The following U2SURP variants were observed in gnomAD, a reference collection of about 807,000 sequenced individuals.
The protein encoded by U2SURP is U2 snRNP associated SURP domain containing, also known as U2 snRNP-associated SURP motif-containing protein.
A neutral mutation model predicts 144.9 loss-of-function variants in U2SURP; 9 were observed. That is an observed-to-expected ratio of 0.06 (90% CI 0.04 to 0.11). The LOEUF is 0.11. U2SURP is among the 10% of genes least tolerant of loss of function. The probability of loss-of-function intolerance (pLI) is 1.00; values close to 1 mark genes in which losing one functional copy is unlikely to be tolerated. For missense variants in U2SURP, 724 were observed against 1,226.7 expected, an observed-to-expected ratio of 0.59 and a Z score of 6.12; for synonymous variants, 408 against 396.8, an observed-to-expected ratio of 1.03 and a Z score of -0.33.
In U2SURP at chr3:143,012,313, G is replaced by A. The variant is rs780983862; in HGVS notation, c.182G>A (p.Arg61His). ...CATAATTATAGGAATGAAAGTGCCC[G>A]TGAAAGCCTTTGTGATTCTCCTCAT... ...RKHNYRNESA[R>H]ESLCDSPHQN... Residue 61 changes from arginine (R) to histidine (H), a missense_variant, in exon 3 of 28, where the codon CGT becomes CAT. Coordinates refer to ENST00000473835, the MANE Select transcript of U2SURP (RefSeq NM_001080415.2). 15 of 1,612,718 alleles carry A rather than the reference G, an allele frequency of 9.3e-6. No homozygotes were observed. Among genetic ancestry groups the A allele is most frequent in the African/African-American group, 2.7e-5 (2 of 74,872 alleles).
Position 143,012,331 on chromosome 3 carries a change from C to G in U2SURP, c.200C>G (p.Ser67Cys). 6.2e-7 allele frequency: 1 copy of G among 1,612,124 alleles called. No homozygotes were observed. The highest frequency in any genetic ancestry group is 1.7e-5 in the Admixed American group (1 of 59,778). ...AGTGCCCGTGAAAGCCTTTGTGATT[C>G]TCCTCATCAGAATCTCTCAAGAGTG... ...NESARESLCD[S>C]PHQNLSRPLL... is the part of the protein sequence containing the mutation. Residue 67 changes from serine to cysteine, a missense_variant, in exon 3 of 28, where the codon TCT becomes TGT. Transcript: ENST00000473835.
Position 143,043,153 on chromosome 3 carries a change from A to G in U2SURP, c.2421A>G (p.Gln807=), listed in dbSNP as rs746562647. Residue 807 remains glutamine (Q), a synonymous_variant, in exon 24 of 28, where the codon CAA becomes CAG. Transcript: ENST00000473835. ...AAAGTGAAGATGAAGAAGATACTCA[A>G]AGTTCCAAATCTGAAGAACATCATT... ...EEESEDEEDT[Q]SSKSEEHHLY... The G allele has an allele frequency of 2.5e-6, 4 of 1,604,684 alleles. No individual in the cohort carries two copies. Among genetic ancestry groups the G allele is most frequent in the Admixed American group, 3.4e-5 (2 of 58,926 alleles).
chr3:143,033,318 C>A lies in U2SURP; in HGVS notation c.1821C>A (p.Ala607=). 6.5e-7 allele frequency: 1 copy of A among 1,541,358 alleles called. No individual in the cohort carries two copies. The highest frequency in any genetic ancestry group is 1.2e-5 in the South Asian group (1 of 83,606). Residue 607 remains alanine (A), a synonymous_variant, in exon 18 of 28, where the codon GCC becomes GCA. Transcript: ENST00000473835. ...LVSDVLYNSS[A]KVANASYYRK... is the part of the protein sequence containing the mutation. The stretch of plus-strand genomic sequence containing the variant: ...CTGATGTTTTGTACAACTCTTCAGC[C>A]AAAGTTGCTAATGCTTCATATTATA...
In U2SURP at chr3:143,011,361, T is replaced by C. The variant is rs1936114907; in HGVS notation, c.90+502T>C. Among the ~76,000 whole-genome samples, 3 of 152,172 alleles carry C rather than the reference T, an allele frequency of 2.0e-5. No individual in the cohort carries two copies. In the South Asian group the frequency reaches 6.2e-4, roughly 32 times the overall value. ...GGATAGATAATACTACAATAAGTAT[T>C]TTTTTAATATATGTTATTACAGCAG... On this transcript the variant is annotated intron_variant, in intron 2 of 27. Transcript: ENST00000473835.
At chr3:143,055,178 G>C (rs1935081251) in intron 27 of U2SURP, 59 bp downstream of exon 27, 7 of 1,393,238 alleles carry the variant, frequency 5.0e-6, no homozygotes, top group Non-Finnish European at 6.7e-6. Context: ...CATTTCATCA[G>C]CTTTTGAAAA....
intron 1 of U2SURP, among the ~76,000 whole-genome samples, chr3:143,005,042 G>A (rs537287381): frequency 6.6e-6 from 1 of 152,004 alleles, no homozygotes; most frequent in East Asian, 1.9e-4. Context: ...AGGATATGAA[G>A]AAAATGTAGT....
chr3:143,005,913 G>C (rs1935806011), intron 1 of U2SURP, among the ~76,000 whole-genome samples: 3 of 151,966 alleles, frequency 2.0e-5, no homozygotes, highest in South Asian at 4.1e-4. Context: ...ATCAAAAATA[G>C]TAATATTACA....
chr3:143,050,264 G>C (rs900103878), intron 24 of U2SURP, among the ~76,000 whole-genome samples: 4 of 152,050 alleles, frequency 2.6e-5, no homozygotes, highest in African/African-American at 7.2e-5. Context: ...GTAGAGATGG[G>C]GTTTCTCCAT....
Position 143,034,931 on chromosome 3 carries a change from A to G in U2SURP, c.1897A>G (p.Thr633Ala). ...LCQIFSDLNA[T>A]YRTIQGHLQS... Reference sequence around the variant, plus strand: ...TCAGATATTTTCAGACCTCAATGCCACCTATCGTACAATTCAAGGCCATTT... The same window carrying G: ...TCAGATATTTTCAGACCTCAATGCCGCCTATCGTACAATTCAAGGCCATTT... The change falls in exon 19 of 28, where the codon ACC (threonine) becomes GCC (alanine). Residue 633 changes from threonine to alanine, a missense_variant. Physicochemically the swap from Thr to Ala is moderately conservative, Grantham distance 58. This residue lies in a region of U2SURP where 116 missense variants were observed against 167.9 expected (regional missense o/e 0.69). Transcript: ENST00000473835. 6.2e-7 allele frequency: 1 copy of G among 1,604,390 alleles called. No individual in the cohort carries two copies. Among genetic ancestry groups the G allele is most frequent in the South Asian group, 1.1e-5 (1 of 89,788 alleles).
intron 22 of U2SURP, 149 bp downstream of exon 22, chr3:143,038,352 T>G: frequency 1.7e-6 from 1 of 598,820 alleles, no homozygotes; most frequent in Non-Finnish European, 2.7e-6. Context: ...ATGTATGCTT[T>G]TATTGTGGTT....
chr3:143,050,312 A>G (rs1262967637), intron 24 of U2SURP, among the ~76,000 whole-genome samples: 1 of 152,182 alleles, frequency 6.6e-6, no homozygotes, highest in Non-Finnish European at 1.5e-5. Flanking sequence ...ACCTCAGGTG[A>G]TCCGCCCACC....
rs1935164789 is a variant in U2SURP, at chr3:143,056,600, C to A, written c.*150C>A. 1 of 789,766 alleles carries A rather than the reference C, an allele frequency of 1.3e-6. No homozygotes were observed. Among genetic ancestry groups the A allele is most frequent in the African/African-American group, 1.8e-5 (1 of 57,046 alleles). 48.9% of individuals were successfully genotyped at this position (789,766 alleles called of 1,614,324 possible). A position where few individuals can be genotyped will look rare whatever the true frequency, so the allele number is the denominator to read the frequency against. On this transcript the variant is annotated 3_prime_UTR_variant, in exon 28 of 28. Coordinates refer to ENST00000473835, the MANE Select transcript of U2SURP (RefSeq NM_001080415.2). ...TATGCATGTGTAAACTCATGAGCAA[C>A]TGCATCTGTAGATCTGTCATTGTTT...
At chr3:143,033,053 A>G in intron 17 of U2SURP, 107 bp downstream of exon 17, 1 of 1,271,676 alleles carries the variant, frequency 7.9e-7, no homozygotes, top group East Asian at 2.3e-5. Flanking sequence ...TTTCCCATGC[A>G]GTCTTATGTT....
chr3:143,021,795 CAG>C (rs1436516290), intron 10 of U2SURP, among the ~76,000 whole-genome samples: 2 of 152,156 alleles, frequency 1.3e-5, no homozygotes, highest in African/African-American at 4.8e-5. Context: ...ATTATTAAAT[CAG>C]GGTGTGACCA....
At position 143,004,502 on chromosome 3, in the gene U2SURP, T is replaced by G. The variant is rs551618690; in HGVS notation, c.45+2829T>G. Among the ~76,000 whole-genome samples, 185 of 149,182 alleles carry G rather than the reference T, an allele frequency of 1.2e-3. 1 individual carries two copies. Among genetic ancestry groups the G allele is most frequent in the African/African-American group, 4.4e-3 (176 of 40,440 alleles). On this transcript the variant is annotated intron_variant, in intron 1 of 27. Transcript: ENST00000473835. ...CCTCAGCCTCCCGAGTAGCTGGGAC[T>G]ACAGGCGCCTGGCCAATTTTTGTAT...
intron 1 of U2SURP, among the ~76,000 whole-genome samples, chr3:143,004,204 A>G (rs894260303): frequency 2.6e-5 from 4 of 152,156 alleles, no homozygotes; most frequent in African/African-American, 9.7e-5. Flanking sequence ...TGGTAGTTAC[A>G]TTCCCGTTAA....
At chr3:143,005,007 A>G (rs1172079821) in intron 1 of U2SURP, among the ~76,000 whole-genome samples, 4 of 152,078 alleles carry the variant, frequency 2.6e-5, no homozygotes, top group African/African-American at 9.7e-5. Flanking sequence ...TTTGACTGTC[A>G]ATTGTTTGCT....
chr3:143,045,321 A>G (rs574113450), intron 24 of U2SURP, among the ~76,000 whole-genome samples: 1 of 148,880 alleles, frequency 6.7e-6, no homozygotes, highest in Non-Finnish European at 1.5e-5. Context: ...GTGAGCCAAG[A>G]TCATGCCACT....
chr3:143,051,301 A>G (rs1934839849), intron 25 of U2SURP, among the ~76,000 whole-genome samples: 1 of 152,238 alleles, frequency 6.6e-6, no homozygotes, highest in Non-Finnish European at 1.5e-5. Flanking sequence ...TGCTAAGAGC[A>G]TGCTTTCAAA....
Sources: allele counts gnomAD v4.1 joint callset (sites outside exome capture counted in the v4.1 genomes callset), GRCh38; gene constraint gnomAD v4.1.1; regional missense constraint gnomAD v4.1.1; transcripts MANE v1.5; gene names NCBI Gene and HGNC (gene_info 2026-07-23, HGNC 2026-07-21).